UNC5D: variants seen among roughly 807,000 people sequenced by gnomAD.
UNC5D encodes netrin receptor UNC5D.
UNC5D carries 39 observed loss-of-function variants against 105.4 expected under a neutral mutation model. That is an observed-to-expected ratio of 0.37 (90% CI 0.29 to 0.48). The LOEUF is 0.48. Among genes scored for constraint, UNC5D ranks in the 20% least tolerant of loss-of-function variants. UNC5D has a pLI of 0.98. For synonymous variants in UNC5D, 452 were observed against 450.4 expected, an observed-to-expected ratio of 1.00 and a Z score of -0.04; for missense variants, 991 against 1,202.4, an observed-to-expected ratio of 0.82 and a Z score of 2.60.
At chr8:35,774,899 C>T (rs1802171940) in intron 16 of UNC5D, among the ~76,000 whole-genome samples, 1 of 139,162 alleles carries the variant, frequency 7.2e-6, no homozygotes, top group East Asian at 2.1e-4. Flanking sequence ...TGCACTCCAG[C>T]ATGGGCAACA....
chr8:35,792,923 C>T lies in UNC5D; in HGVS notation c.*2360C>T. On this transcript the variant is annotated 3_prime_UTR_variant, in exon 17 of 17. Coordinates refer to ENST00000404895, the MANE Select transcript of UNC5D (RefSeq NM_080872.4). ...CTATCTAGATTATTTTAAGATGAGA[C>T]AAGATTATTGTCAATCCCTGAATGT... 2.4e-6 allele frequency: 1 copy of T among 423,260 alleles called. No homozygotes were observed. The highest frequency in any genetic ancestry group is 4.6e-6 in the Non-Finnish European group (1 of 217,908). The allele number at this position is 423,260 out of a possible 1,614,324, so 26.2% of individuals were successfully genotyped here. A position where few individuals can be genotyped will look rare whatever the true frequency, so the allele number is the denominator to read the frequency against.
At chr8:35,685,888 G>A (rs1825973626) in intron 6 of UNC5D, among the ~76,000 whole-genome samples, 1 of 152,088 alleles carries the variant, frequency 6.6e-6, no homozygotes, top group South Asian at 2.1e-4. Context: ...CATAAGCATG[G>A]TTGAACTATT....
chr8:35,417,102 C>T (rs1805579888), intron 1 of UNC5D, among the ~76,000 whole-genome samples: 1 of 152,228 alleles, frequency 6.6e-6, no homozygotes, highest in East Asian at 1.9e-4. Context: ...CAACTACAAT[C>T]TTATTCTAAA....
At chr8:35,491,097 T>C (rs1044250422) in intron 1 of UNC5D, among the ~76,000 whole-genome samples, 3 of 152,170 alleles carry the variant, frequency 2.0e-5, no homozygotes, top group African/African-American at 7.2e-5. Flanking sequence ...GCTTTAATAT[T>C]ACTTATTAAG....
rs200522455 is a variant in UNC5D, at chr8:35,590,243, T to TA, written c.467-5301dup. 2.6e-3 allele frequency among the ~76,000 whole-genome samples: 393 copies of TA among 150,248 alleles called. 1 individual carries two copies. The highest frequency in any genetic ancestry group is 4.0e-3 in the Admixed American group (60 of 15,066). Reference sequence around the variant, plus strand: ...TTGATGTTGCTTATAATGTTTTAGATAAAAAAAAAATTTAATTTTGACAAA... The same window carrying TA: ...TTGATGTTGCTTATAATGTTTTAGATAAAAAAAAAAATTTAATTTTGACAAA... On this transcript the variant is annotated intron_variant, in intron 3 of 16. Coordinates refer to ENST00000404895, the MANE Select transcript of UNC5D (RefSeq NM_080872.4).
In UNC5D at chr8:35,308,975, C is replaced by T. The variant is rs188972580; in HGVS notation, c.103+73088C>T. Among the ~76,000 whole-genome samples the T allele has an allele frequency of 3.2e-3, 486 of 152,112 alleles. 3 individuals are homozygous for T. The highest frequency in any genetic ancestry group is 0.011 in the African/African-American group (466 of 41,504). On this transcript the variant is annotated intron_variant, in intron 1 of 16. Coordinates refer to ENST00000404895, the MANE Select transcript of UNC5D (RefSeq NM_080872.4). ...TCAACTGGTAAAAGGGAGGAGAGAG[C>T]CCGGCTGGCTAGATAGGGGTGGTGA...
chr8:35,290,679 T>G (rs1806984739), intron 1 of UNC5D, among the ~76,000 whole-genome samples: 1 of 152,108 alleles, frequency 6.6e-6, no homozygotes, highest in Non-Finnish European at 1.5e-5. Context: ...CCAGGCGCGG[T>G]GGTTCATGCC....
At chr8:35,496,218 G>T (rs1489000459) in intron 1 of UNC5D, among the ~76,000 whole-genome samples, 2 of 152,196 alleles carry the variant, frequency 1.3e-5, no homozygotes, top group Non-Finnish European at 2.9e-5. Flanking sequence ...TGCACACAGA[G>T]ATAGGTAAGT....
intron 3 of UNC5D, among the ~76,000 whole-genome samples, chr8:35,588,122 G>T (rs1563563839): frequency 6.6e-6 from 1 of 151,608 alleles, no homozygotes. Context: ...ATGTGACAAT[G>T]ACTGCTTTTC....
intron 1 of UNC5D, among the ~76,000 whole-genome samples, chr8:35,357,769 A>G (rs192719320): frequency 6.6e-6 from 1 of 152,284 alleles, no homozygotes; most frequent in East Asian, 1.9e-4. Flanking sequence ...AATTGTATAT[A>G]TGCTTTGGCT....
At chr8:35,564,516 C>T (rs1817191811) in intron 2 of UNC5D, among the ~76,000 whole-genome samples, 2 of 152,126 alleles carry the variant, frequency 1.3e-5, no homozygotes, top group East Asian at 1.9e-4. Flanking sequence ...CCCTGTTCTC[C>T]AGAGCCTAGT....
At chr8:35,526,381 C>G (rs1216651962) in intron 1 of UNC5D, among the ~76,000 whole-genome samples, 1 of 152,150 alleles carries the variant, frequency 6.6e-6, no homozygotes, top group Non-Finnish European at 1.5e-5. Flanking sequence ...TCCATCTCGC[C>G]TGTTCTCCAC....
At chr8:35,268,666 T>C (rs1805060280) in intron 1 of UNC5D, among the ~76,000 whole-genome samples, 3 of 152,106 alleles carry the variant, frequency 2.0e-5, no homozygotes, top group African/African-American at 4.8e-5. Flanking sequence ...TATTTTACAA[T>C]ATAATAATAA....
At position 35,311,747 on chromosome 8, in the gene UNC5D, G is replaced by A. The variant is rs571554755; in HGVS notation, c.103+75860G>A. On this transcript the variant is annotated intron_variant, in intron 1 of 16. Coordinates refer to ENST00000404895, the MANE Select transcript of UNC5D (RefSeq NM_080872.4). ...TGCAAGGGAAGTAGTTTGATGAGTC[G>A]GATGGAGAAGGAATAGAGAAGGAAG... 9.2e-5 allele frequency among the ~76,000 whole-genome samples: 14 copies of A among 152,188 alleles called. No homozygotes were observed. In the South Asian group the frequency reaches 1.2e-3, roughly 14 times the overall value.
At chr8:35,499,488 C>T (rs1204862794) in intron 1 of UNC5D, among the ~76,000 whole-genome samples, 1 of 152,194 alleles carries the variant, frequency 6.6e-6, no homozygotes, top group African/African-American at 2.4e-5. Flanking sequence ...GTACAAAGAT[C>T]ATTTGTTGGG....
At chr8:35,414,577 T>G (rs1805412796) in intron 1 of UNC5D, among the ~76,000 whole-genome samples, 2 of 152,158 alleles carry the variant, frequency 1.3e-5, no homozygotes, top group South Asian at 4.1e-4. Flanking sequence ...TAAAAGGGAT[T>G]TTTTTCAAAA....
At chr8:35,584,606 T>TTTTG (rs142858924) in intron 3 of UNC5D, among the ~76,000 whole-genome samples, 14,595 of 151,334 alleles carry the variant, frequency 0.096, 733 homozygotes, top group African/African-American at 0.12. Flanking sequence ...GTTTTCCTGG[T>TTTTG]TTTGTTTGTT....
At chr8:35,274,942 T>A (rs1307381570) in intron 1 of UNC5D, among the ~76,000 whole-genome samples, 4 of 151,804 alleles carry the variant, frequency 2.6e-5, no homozygotes, top group Non-Finnish European at 5.9e-5. Context: ...ATACAAAAAA[T>A]TGGCTGGGCG....
At chr8:35,789,118 G>A (rs1465211524) in intron 16 of UNC5D, among the ~76,000 whole-genome samples, 2 of 120,030 alleles carry the variant, frequency 1.7e-5, no homozygotes, top group South Asian at 5.8e-4. Flanking sequence ...AGCAAAATAA[G>A]ACTGAGTGGG....
Sources: allele counts gnomAD v4.1 joint callset (sites outside exome capture counted in the v4.1 genomes callset), GRCh38; gene constraint gnomAD v4.1.1; transcripts MANE v1.5; gene names NCBI Gene and HGNC (gene_info 2026-07-23, HGNC 2026-07-21).